The following CGNL1 variants were observed in gnomAD, a reference collection of about 807,000 sequenced individuals.
The protein encoded by CGNL1 is cingulin like 1.
A neutral mutation model predicts 141.2 loss-of-function variants in CGNL1; 132 were observed. The ratio of observed to expected loss-of-function variants is 0.93; its 90% confidence interval spans 0.81 to 1.08. The LOEUF is 1.08. Among genes scored for constraint, CGNL1 ranks in the 50% least tolerant of loss-of-function variants. The pLI is 0.00. For synonymous variants in CGNL1, 690 were observed against 622.1 expected, an observed-to-expected ratio of 1.11 and a Z score of -1.63; for missense variants, 1,870 against 1,588.6, an observed-to-expected ratio of 1.18 and a Z score of -3.01.
At chr15:57,514,968 C>G (rs2030649673) in intron 8 of CGNL1, among the ~76,000 whole-genome samples, 1 of 152,096 alleles carries the variant, frequency 6.6e-6, no homozygotes, top group Non-Finnish European at 1.5e-5. Context: ...ATATGCCTTC[C>G]CTCATGCCAG....
At chr15:57,495,704 G>C (rs905267026) in intron 8 of CGNL1, among the ~76,000 whole-genome samples, 39 of 152,082 alleles carry the variant, frequency 2.6e-4, no homozygotes, top group Admixed American at 2.2e-3. Flanking sequence ...ACCAAGTAAG[G>C]GTGTTAAATG....
intron 14 of CGNL1, among the ~76,000 whole-genome samples, chr15:57,535,081 C>T (rs962040604): frequency 2.6e-5 from 4 of 152,174 alleles, no homozygotes; most frequent in Non-Finnish European, 4.4e-5. Context: ...GTCCAACTCT[C>T]CCCACTTCAC....
At chr15:57,516,145 C>G (rs1429500157) in intron 8 of CGNL1, among the ~76,000 whole-genome samples, 2 of 115,244 alleles carry the variant, frequency 1.7e-5, no homozygotes, top group Admixed American at 1.2e-4. Flanking sequence ...GGGGACAGAG[C>G]GAGACTCTGT....
chr15:57,532,208 T>G (rs1368853795), intron 14 of CGNL1, among the ~76,000 whole-genome samples: 3 of 152,246 alleles, frequency 2.0e-5, no homozygotes, highest in African/African-American at 7.2e-5. Flanking sequence ...TCTACATGTA[T>G]CCACAGGTGT....
chr15:57,492,140 A>G (rs530329988), intron 8 of CGNL1, among the ~76,000 whole-genome samples: 6 of 152,346 alleles, frequency 3.9e-5, no homozygotes, highest in Non-Finnish European at 7.3e-5. Context: ...ATGATGACTT[A>G]TCTGGAGGCA....
At chr15:57,444,166 C>CCTTTCTTGACTTTT (rs1253678299) in intron 4 of CGNL1, among the ~76,000 whole-genome samples, 20 of 148,242 alleles carry the variant, frequency 1.3e-4, no homozygotes, top group Non-Finnish European at 2.4e-4. Context: ...AGTCGTTTTG[C>CCTTTCTTGACTTTT]CTTTCTTGAC....
intron 14 of CGNL1, among the ~76,000 whole-genome samples, chr15:57,543,458 A>AC (rs2032676828): frequency 6.6e-6 from 1 of 152,194 alleles, no homozygotes; most frequent in Non-Finnish European, 1.5e-5. Flanking sequence ...TCAACCCCTA[A>AC]CAGCAGGGCT....
chr15:57,402,268 G>T lies in CGNL1; in HGVS notation c.-16+25701G>T, dbSNP rs2062668788. On this transcript the variant is annotated intron_variant, in intron 1 of 18. Coordinates refer to ENST00000281282, the MANE Select transcript of CGNL1 (RefSeq NM_032866.5). ...CTTAAAAGGGTCTGGCACCTCTGTT[G>T]CTCCTGCTCTTGCCATGTGGCATGC... Among the ~76,000 whole-genome samples the T allele has an allele frequency of 2.6e-5, 4 of 152,182 alleles. No individual in the cohort carries two copies. In the South Asian group the frequency reaches 8.3e-4, roughly 31 times the overall value.
intron 8 of CGNL1, among the ~76,000 whole-genome samples, chr15:57,509,313 A>G (rs1203564290): frequency 6.6e-6 from 1 of 152,246 alleles, no homozygotes; most frequent in African/African-American, 2.4e-5. Flanking sequence ...TCCACGCCTC[A>G]GCTGTTTTCA....
At chr15:57,401,060 A>T (rs1445739798) in intron 1 of CGNL1, among the ~76,000 whole-genome samples, 1 of 151,744 alleles carries the variant, frequency 6.6e-6, no homozygotes, top group Non-Finnish European at 1.5e-5. Flanking sequence ...TTTTACAGAG[A>T]TGGGGTTACT....
intron 8 of CGNL1, among the ~76,000 whole-genome samples, chr15:57,499,913 C>G (rs2063998113): frequency 6.6e-6 from 1 of 152,108 alleles, no homozygotes; most frequent in Non-Finnish European, 1.5e-5. Flanking sequence ...GGAGGCCAGG[C>G]TGAGGGGAGT....
At chr15:57,522,882 C>T (rs2031361117) in intron 10 of CGNL1, among the ~76,000 whole-genome samples, 2 of 152,184 alleles carry the variant, frequency 1.3e-5, no homozygotes, top group South Asian at 2.1e-4. Flanking sequence ...CATTTAACAC[C>T]TTCTGTTCAT....
At chr15:57,424,786 G>A (rs34347800) in intron 1 of CGNL1, among the ~76,000 whole-genome samples, 41,874 of 152,040 alleles carry the variant, frequency 0.28, 5,826 homozygotes, top group East Asian at 0.35. Context: ...GAAAATTGAG[G>A]CATCTCATTG....
chr15:57,524,277 T>C (rs2031466576), intron 11 of CGNL1, among the ~76,000 whole-genome samples: 1 of 152,238 alleles, frequency 6.6e-6, no homozygotes, highest in Non-Finnish European at 1.5e-5. Context: ...GTTTCCAGTG[T>C]GGACATGGCC....
At chr15:57,444,174 G>A (rs2063224308) in intron 4 of CGNL1, among the ~76,000 whole-genome samples, 2 of 151,224 alleles carry the variant, frequency 1.3e-5, no homozygotes, top group East Asian at 2.0e-4. Flanking sequence ...TGCCTTTCTT[G>A]ACTTTTATAT....
intron 1 of CGNL1, among the ~76,000 whole-genome samples, chr15:57,422,073 A>G (rs2152283793): frequency 6.6e-6 from 1 of 150,668 alleles, no homozygotes; most frequent in African/African-American, 2.4e-5. Flanking sequence ...GACCAAATGA[A>G]GTCCATGTGG....
Position 57,461,726 on chromosome 15 carries a change from A to G in CGNL1, c.2237A>G (p.Lys746Arg). 2 of 1,614,152 alleles carry G rather than the reference A, an allele frequency of 1.2e-6. No homozygotes were observed. Among genetic ancestry groups the G allele is most frequent in the Non-Finnish European group, 1.7e-6 (2 of 1,180,006 alleles). Reference protein sequence around the residue: ...KQDLQDLLIAKEEQEDLLRKR... With the variant: ...KQDLQDLLIAREEQEDLLRKR... Reference sequence around the variant, plus strand: ...GATCTTCAAGATCTGCTGATTGCCAAAGAGGAGCAAGAAGACCTCTTGAGA... The same window carrying G: ...GATCTTCAAGATCTGCTGATTGCCAGAGAGGAGCAAGAAGACCTCTTGAGA... Residue 746 changes from lysine (K) to arginine (R), a missense_variant, in exon 8 of 19, where the codon AAA becomes AGA. Physicochemically the swap from Lys to Arg is conservative, Grantham distance 26 (BLOSUM62 2). Coordinates refer to ENST00000281282, the MANE Select transcript of CGNL1 (RefSeq NM_032866.5).
intron 1 of CGNL1, among the ~76,000 whole-genome samples, chr15:57,420,757 T>A (rs1265450420): frequency 1.3e-5 from 2 of 152,214 alleles, no homozygotes; most frequent in Non-Finnish European, 2.9e-5. Flanking sequence ...CTTTTTAGTC[T>A]GATGACTCTT....
At chr15:57,399,289 A>G (rs1277010474) in intron 1 of CGNL1, among the ~76,000 whole-genome samples, 1 of 152,234 alleles carries the variant, frequency 6.6e-6, no homozygotes, top group African/African-American at 2.4e-5. Flanking sequence ...TGACCTGTTC[A>G]CCAACTTCTT....
Sources: allele counts gnomAD v4.1 joint callset (sites outside exome capture counted in the v4.1 genomes callset), GRCh38; gene constraint gnomAD v4.1.1; transcripts MANE v1.5; gene names NCBI Gene and HGNC (gene_info 2026-07-23, HGNC 2026-07-21).